Variants in SLC25A26 observed in about 807,000 individuals in gnomAD.
The protein encoded by SLC25A26 is solute carrier family 25 member 26, also known as mitochondrial S-adenosylmethionine carrier protein.
In SLC25A26, 36 loss-of-function variants were observed where a neutral mutation model predicts 37.8. The observed-to-expected ratio is 0.95, with a 90% CI of 0.73 to 1.26. The LOEUF is 1.26. Ranked by LOEUF, SLC25A26 falls within the 50% of genes most tolerant of loss-of-function variation. SLC25A26 has a pLI of 0.00. For synonymous variants in SLC25A26, 129 were observed against 122.5 expected, an observed-to-expected ratio of 1.05 and a Z score of -0.35; for missense variants, 390 against 331.1, an observed-to-expected ratio of 1.18 and a Z score of -1.38.
At chr3:66,280,999 G>A (rs2074317056) in intron 5 of SLC25A26, among the ~76,000 whole-genome samples, 2 of 152,118 alleles carry the variant, frequency 1.3e-5, no homozygotes, top group African/African-American at 4.8e-5. Flanking sequence ...AAGCCTTACA[G>A]CTTCTTTCTC....
Position 66,236,598 on chromosome 3 carries a change from A to C in SLC25A26, c.88A>C (p.Ile30Leu). ...VDLILFPLDT[I>L]KTRLQSPQGF... ...CTTGATATTATTTCCTCTGGATACC[A>C]TTAAAACCAGGCTGCAGAGTCCCCA... The change falls in exon 2 of 10, where the codon ATT becomes CTT. Residue 30 changes from isoleucine (I) to leucine (L), a missense_variant. Ile to Leu is a conservative substitution (Grantham distance 5). Transcript: ENST00000354883. 1 of 1,517,402 alleles carries C rather than the reference A, an allele frequency of 6.6e-7. No homozygotes were observed. Among genetic ancestry groups the C allele is most frequent in the Non-Finnish European group, 8.8e-7 (1 of 1,133,922 alleles). The allele number at this position is 1,517,402 out of a possible 1,614,324, so 94.0% of individuals were successfully genotyped here.
chr3:66,218,496 T>C (rs1440114516), upstream of SLC25A26, among the ~76,000 whole-genome samples: 1 of 152,226 alleles, frequency 6.6e-6, no homozygotes, highest in Non-Finnish European at 1.5e-5. Context: ...TATCTCATTG[T>C]GGTGTTCACC....
At chr3:66,231,472 A>G (rs1056029497) in intron 1 of SLC25A26, among the ~76,000 whole-genome samples, 1 of 152,172 alleles carries the variant, frequency 6.6e-6, no homozygotes, top group Non-Finnish European at 1.5e-5. Context: ...GGTTGTTTAA[A>G]AAATTAATAA....
At chr3:66,174,953 G>C (rs1353061546) in intron 1 of SLC25A26, among the ~76,000 whole-genome samples, 1 of 151,636 alleles carries the variant, frequency 6.6e-6, no homozygotes, top group African/African-American at 2.4e-5. Flanking sequence ...AGAATTGCAT[G>C]TGGACTTACA....
chr3:66,191,641 G>A (rs2070943998), intron 1 of SLC25A26, among the ~76,000 whole-genome samples: 1 of 152,214 alleles, frequency 6.6e-6, no homozygotes, highest in African/African-American at 2.4e-5. Flanking sequence ...TGTAATCCCA[G>A]CACTTTGGGA....
intron 5 of SLC25A26, among the ~76,000 whole-genome samples, chr3:66,275,140 C>G (rs2074094077): frequency 6.6e-6 from 1 of 151,420 alleles, no homozygotes; most frequent in African/African-American, 2.4e-5. Context: ...TCTCAGTAAA[C>G]TATCGCAAGG....
At chr3:66,275,530 C>G (rs1431529356) in intron 5 of SLC25A26, among the ~76,000 whole-genome samples, 1 of 151,990 alleles carries the variant, frequency 6.6e-6, no homozygotes, top group East Asian at 1.9e-4. Flanking sequence ...ACATAGCACA[C>G]TCAGAAAATA....
chr3:66,152,946 A>G (rs1305190136), intron 1 of SLC25A26, among the ~76,000 whole-genome samples: 1 of 152,170 alleles, frequency 6.6e-6, no homozygotes, highest in Non-Finnish European at 1.5e-5. Context: ...ACAAATATAG[A>G]TGTCTAGATT....
intron 5 of SLC25A26, among the ~76,000 whole-genome samples, chr3:66,272,601 C>G (rs2107366150): frequency 6.6e-6 from 1 of 152,128 alleles, no homozygotes; most frequent in South Asian, 2.1e-4. Flanking sequence ...TTACATGCCC[C>G]TTCTCTGAGG....
At chr3:66,345,526 C>A (rs1326468698) in intron 5 of SLC25A26, among the ~76,000 whole-genome samples, 1 of 145,678 alleles carries the variant, frequency 6.9e-6, no homozygotes, top group African/African-American at 2.5e-5. Context: ...TGCTTTCTTT[C>A]CCCTCCTTCC....
chr3:66,163,848 C>T (rs1338815307), intron 1 of SLC25A26, among the ~76,000 whole-genome samples: 1 of 152,178 alleles, frequency 6.6e-6, no homozygotes, highest in East Asian at 1.9e-4. Flanking sequence ...TAGTGGTTCT[C>T]ACCTGGGGAT....
At chr3:66,196,277 T>C (rs961610887) in intron 1 of SLC25A26, among the ~76,000 whole-genome samples, 188 of 152,380 alleles carry the variant, frequency 1.2e-3, no homozygotes, top group African/African-American at 4.0e-3. Context: ...GATCCAGCCC[T>C]GGTCATGCTG....
chr3:66,162,662 G>A (rs1430126710), intron 1 of SLC25A26, among the ~76,000 whole-genome samples: 1 of 152,184 alleles, frequency 6.6e-6, no homozygotes, highest in Non-Finnish European at 1.5e-5. Context: ...TTTTAGGCAA[G>A]AGGATCATAC....
intron 1 of SLC25A26, among the ~76,000 whole-genome samples, chr3:66,231,036 A>G (rs987993850): frequency 1.3e-5 from 2 of 152,110 alleles, no homozygotes; most frequent in African/African-American, 4.8e-5. Flanking sequence ...TTAGCCAGTC[A>G]TGGTGGCATG....
chr3:66,164,766 A>G (rs1195997173), intron 1 of SLC25A26, among the ~76,000 whole-genome samples: 1 of 152,212 alleles, frequency 6.6e-6, no homozygotes, highest in Non-Finnish European at 1.5e-5. Context: ...GCTGTGGGCC[A>G]TAGTTTGCTG....
At chr3:66,369,691 T>C in intron 8 of SLC25A26, 149 bp downstream of exon 8, 1 of 658,314 alleles carries the variant, frequency 1.5e-6, no homozygotes. Flanking sequence ...AAAACTGCCA[T>C]TGATGGAACA....
chr3:66,245,755 A>G (rs1426282200), intron 3 of SLC25A26, among the ~76,000 whole-genome samples: 1 of 152,234 alleles, frequency 6.6e-6, no homozygotes, highest in Non-Finnish European at 1.5e-5. Flanking sequence ...AAAGAGAGGT[A>G]ACACAAAAGT....
intron 5 of SLC25A26, among the ~76,000 whole-genome samples, chr3:66,334,317 T>G (rs533322388): frequency 6.6e-6 from 1 of 152,084 alleles, no homozygotes; most frequent in Admixed American, 6.5e-5. Flanking sequence ...TTTGTTTCTT[T>G]GTTTTGTTTT....
chr3:66,348,915 C>G (rs1411858291), intron 6 of SLC25A26, among the ~76,000 whole-genome samples: 1 of 152,148 alleles, frequency 6.6e-6, no homozygotes, highest in Non-Finnish European at 1.5e-5. Context: ...AACAGCTCTC[C>G]TTTTTAGTGT....
Sources: allele counts gnomAD v4.1 joint callset (sites outside exome capture counted in the v4.1 genomes callset), GRCh38; gene constraint gnomAD v4.1.1; transcripts MANE v1.5; gene names NCBI Gene and HGNC (gene_info 2026-07-23, HGNC 2026-07-21).